Variants in GRIK2 observed in about 807,000 individuals in gnomAD.
GRIK2 encodes the protein glutamate ionotropic receptor kainate type subunit 2.
In GRIK2, 32 loss-of-function variants were observed where a neutral mutation model predicts 100.3. That is an observed-to-expected ratio of 0.32 (90% CI 0.24 to 0.43). GRIK2 has a LOEUF of 0.43. GRIK2 is among the 20% of genes least tolerant of loss of function. The probability of loss-of-function intolerance (pLI) is 1.00; values close to 1 mark genes in which losing one functional copy is unlikely to be tolerated. For synonymous variants in GRIK2, 417 were observed against 389.4 expected, an observed-to-expected ratio of 1.07 and a Z score of -0.83; for missense variants, 843 against 1,114.9, an observed-to-expected ratio of 0.76 and a Z score of 3.47.
At chr6:101,844,487 T>C (rs1783693217) in intron 10 of GRIK2, among the ~76,000 whole-genome samples, 1 of 152,198 alleles carries the variant, frequency 6.6e-6, no homozygotes, top group South Asian at 2.1e-4. Flanking sequence ...TGGAAAATAA[T>C]GAGCCATTAT....
rs118090229 is a variant in GRIK2 at position 101,493,247 on chromosome 6, T to A, written c.115+93855T>A. ...AACAGGGAAGATGTTTCTGGAAATA[T>A]CAAAAGGCGCAAATTCTCAAATTCA... is the stretch of plus-strand genomic sequence containing the variant. On this transcript the variant is annotated intron_variant, in intron 2 of 16. Transcript: ENST00000369134. 8.4e-3 allele frequency among the ~76,000 whole-genome samples: 1,279 copies of A among 152,080 alleles called. 11 individuals are homozygous for A. The highest frequency in any genetic ancestry group is 0.037 in the Middle Eastern group (11 of 294).
intron 7 of GRIK2, among the ~76,000 whole-genome samples, chr6:101,766,443 T>C (rs1313417470): frequency 2.6e-5 from 4 of 152,196 alleles, no homozygotes; most frequent in African/African-American, 9.6e-5. Flanking sequence ...TTGATATAAA[T>C]GAGCACCTGT....
chr6:101,716,212 A>G lies in GRIK2; in HGVS notation c.951+29859A>G, dbSNP rs569926707. 2.0e-5 allele frequency among the ~76,000 whole-genome samples: 3 copies of G among 151,852 alleles called. No homozygotes were observed. The East Asian group carries it at 5.9e-4, about 30-fold the overall frequency. On this transcript the variant is annotated intron_variant, in intron 7 of 16. Coordinates refer to ENST00000369134, the MANE Select transcript of GRIK2 (RefSeq NM_021956.5). ...CATCTCTGAATGGTGTTTAATTAAT[A>G]ATCAATTAATAGTCAAAGGGAAAAG... is the stretch of plus-strand genomic sequence containing the variant.
At chr6:102,044,937 A>C (rs1268115219) in intron 15 of GRIK2, among the ~76,000 whole-genome samples, 1 of 152,082 alleles carries the variant, frequency 6.6e-6, no homozygotes, top group Non-Finnish European at 1.5e-5. Flanking sequence ...TTTTGGAACC[A>C]TAGCACATTT....
At chr6:101,799,896 T>A in intron 8 of GRIK2, 105 bp downstream of exon 8, 2 of 877,060 alleles carry the variant, frequency 2.3e-6, no homozygotes, top group Non-Finnish European at 1.7e-6. Flanking sequence ...TTATGTTTAA[T>A]TTAAATTTTC....
In GRIK2 at chr6:101,625,384, TAATAAATAAATA is replaced by T. The variant is rs139402781; in HGVS notation, c.284-971_284-960del. ...TGAGACTCTATATCAACAAAATAAA[TAATAAATAAATA>T]AATAAATAAATAAATAAATAAATAT... On this transcript the variant is annotated intron_variant, in intron 3 of 16. Transcript: ENST00000369134. 4.4e-3 allele frequency among the ~76,000 whole-genome samples: 644 copies of T among 147,608 alleles called. 1 individual carries two copies. Among genetic ancestry groups the T allele is most frequent in the Middle Eastern group, 0.011 (3 of 280 alleles).
At chr6:101,641,662 T>C (rs1455495598) in intron 4 of GRIK2, among the ~76,000 whole-genome samples, 1 of 151,990 alleles carries the variant, frequency 6.6e-6, no homozygotes, top group Non-Finnish European at 1.5e-5. Flanking sequence ...TATTAGGAAA[T>C]AACCTAGCAA....
At chr6:101,764,048 T>C (rs1249188170) in intron 7 of GRIK2, among the ~76,000 whole-genome samples, 1 of 152,184 alleles carries the variant, frequency 6.6e-6, no homozygotes, top group East Asian at 1.9e-4. Context: ...TCCTGTATTT[T>C]GGCTTCCCTG....
chr6:101,811,794 G>A (rs1006676192), intron 9 of GRIK2, among the ~76,000 whole-genome samples: 1 of 151,416 alleles, frequency 6.6e-6, no homozygotes, highest in Non-Finnish European at 1.5e-5. Flanking sequence ...AGTAATATGA[G>A]TTACAAAACA....
chr6:101,393,818 C>G lies in GRIK2; in HGVS notation c.-313C>G, dbSNP rs139921667. ...AGGACCACCCCACCCCCTCCCCGCC[C>G]ACCTCACCCCTAGCTCCAGGTAAGG... On this transcript the variant is annotated 5_prime_UTR_variant, in exon 1 of 17. Transcript: ENST00000369134. Among the ~76,000 whole-genome samples the G allele has an allele frequency of 5.6e-3, 849 of 152,172 alleles. No homozygotes were observed. Among genetic ancestry groups the G allele is most frequent in the East Asian group, 9.6e-3 (49 of 5,120 alleles).
At chr6:101,768,485 C>T (rs1242892556) in intron 7 of GRIK2, among the ~76,000 whole-genome samples, 1 of 152,074 alleles carries the variant, frequency 6.6e-6, no homozygotes, top group East Asian at 1.9e-4. Flanking sequence ...TTTCTCTCAC[C>T]TAGAAATGTT....
chr6:101,827,702 A>C (rs142670275), intron 10 of GRIK2, among the ~76,000 whole-genome samples: 19 of 152,118 alleles, frequency 1.2e-4, no homozygotes, highest in African/African-American at 4.6e-4. Flanking sequence ...ACATTACATA[A>C]TGATAAAGAG....
intron 14 of GRIK2, among the ~76,000 whole-genome samples, chr6:102,012,195 T>G (rs1795582807): frequency 6.6e-6 from 1 of 152,210 alleles, no homozygotes; most frequent in Non-Finnish European, 1.5e-5. Context: ...TTTTGTTCTA[T>G]TGATCAACTT....
At chr6:101,417,053 T>C (rs1392261459) in intron 2 of GRIK2, among the ~76,000 whole-genome samples, 1 of 152,234 alleles carries the variant, frequency 6.6e-6, no homozygotes, top group Non-Finnish European at 1.5e-5. Flanking sequence ...TTTAATTGAC[T>C]CACAGTTCCA....
At chr6:102,063,881 A>G (rs1021709194) in intron 16 of GRIK2, 1 of 659,124 alleles carries the variant, frequency 1.5e-6, no homozygotes, top group Non-Finnish European at 2.7e-6. Flanking sequence ...AATTAAATAT[A>G]ATGAATTTTA....
chr6:101,605,672 C>T (rs1174841666), intron 2 of GRIK2, among the ~76,000 whole-genome samples: 1 of 151,960 alleles, frequency 6.6e-6, no homozygotes, highest in Non-Finnish European at 1.5e-5. Flanking sequence ...GAGTAAAACT[C>T]CGTCTCCAAA....
chr6:101,511,264 A>G (rs560220456), intron 2 of GRIK2, among the ~76,000 whole-genome samples: 1 of 152,342 alleles, frequency 6.6e-6, no homozygotes, highest in East Asian at 1.9e-4. Flanking sequence ...AAAGTACTGG[A>G]TAAGATTTAC....
At chr6:101,773,333 A>T (rs1432742602) in intron 7 of GRIK2, among the ~76,000 whole-genome samples, 1 of 152,074 alleles carries the variant, frequency 6.6e-6, no homozygotes, top group Non-Finnish European at 1.5e-5. Context: ...ACAAAAAATT[A>T]GCCAGGCAAG....
At chr6:101,805,843 T>C (rs1780970672) in intron 9 of GRIK2, among the ~76,000 whole-genome samples, 1 of 152,080 alleles carries the variant, frequency 6.6e-6, no homozygotes, top group Non-Finnish European at 1.5e-5. Context: ...TCTATGCTTC[T>C]GTTGTTTACA....
Sources: gnomAD v4.1 joint callset for allele counts (sites outside exome capture counted in the v4.1 genomes callset) on GRCh38, gnomAD v4.1.1 for gene constraint, MANE v1.5 for transcripts, NCBI Gene and HGNC (gene_info 2026-07-23, HGNC 2026-07-21) for gene names.